The following RAD21 variants were observed in gnomAD, a reference collection of about 807,000 sequenced individuals.
RAD21 encodes the protein double-strand-break repair protein rad21 homolog.
RAD21 carries 18 observed loss-of-function variants against 71.5 expected under a neutral mutation model. That is an observed-to-expected ratio of 0.25 (90% CI 0.17 to 0.37). The LOEUF (loss-of-function observed/expected upper bound fraction) is 0.37. Ranked by LOEUF, RAD21 falls within the 10% of genes least tolerant of loss-of-function variation. The pLI is 1.00. For synonymous variants in RAD21, 248 were observed against 254.0 expected (o/e 0.98, Z 0.22); for missense variants, 493 against 769.1 (o/e 0.64, Z 4.25).
Position 116,856,276 on chromosome 8 carries a change from T to C in RAD21, c.827A>G (p.Asp276Gly), listed in dbSNP as rs373856995. 5 of 1,478,946 alleles carry C rather than the reference T, an allele frequency of 3.4e-6. No individual in the cohort carries two copies. In the East Asian group the frequency reaches 1.0e-4, roughly 30 times the overall value. 91.6% of individuals were successfully genotyped at this position (1,478,946 alleles called of 1,614,324 possible). ...AACGGGATCCACTGAATCAGGACTA[T>C]CAGGCCCACCCACTGTAAAAAAAAA... Reference protein sequence around the residue: ...EDDNVSMGGPDSPDSVDPVEP... With the variant: ...EDDNVSMGGPGSPDSVDPVEP... The change falls in exon 8 of 14, where the codon GAT (aspartate) becomes GGT (glycine). Residue 276 changes from aspartate (D) to glycine (G), a missense_variant. This residue lies in a region of RAD21 where 165 missense variants were observed against 229.6 expected (regional missense o/e 0.72). Coordinates refer to ENST00000297338, the MANE Select transcript of RAD21 (RefSeq NM_006265.3).
At position 116,857,334 on chromosome 8, in the gene RAD21, G is replaced by A; in HGVS notation, c.621C>T (p.Asn207=). The A allele has an allele frequency of 1.2e-6, 2 of 1,611,824 alleles. No homozygotes were observed. Among genetic ancestry groups the A allele is most frequent in the Non-Finnish European group, 1.7e-6 (2 of 1,179,238 alleles). ...TATATTGATCTTCATATTCTAAATG[G>A]TTAATTTTCTCATTCAGATTGCTGG... ...QSTSNLNEKI[N]HLEYEDQYKD... Residue 207 remains asparagine (N), a synonymous_variant, in exon 6 of 14, where the codon AAC becomes AAT. Coordinates refer to ENST00000297338, the MANE Select transcript of RAD21 (RefSeq NM_006265.3).
intron 2 of RAD21, among the ~76,000 whole-genome samples, chr8:116,866,254 GTTT>G (rs56026154): frequency 1.4e-5 from 2 of 142,770 alleles, no homozygotes; most frequent in Non-Finnish European, 3.1e-5. Flanking sequence ...TTCCACGTCG[GTTT>G]TTTTTTTTTT....
intron 9 of RAD21, among the ~76,000 whole-genome samples, chr8:116,853,285 G>A (rs1812394584): frequency 6.6e-6 from 1 of 152,096 alleles, no homozygotes; most frequent in South Asian, 2.1e-4. Flanking sequence ...TACCATGTTA[G>A]CCAAGCTGGT....
At chr8:116,851,404 C>G (rs1044589023) in intron 11 of RAD21, 50 of 152,162 alleles carry the variant, frequency 3.3e-4, no homozygotes, top group African/African-American at 1.1e-3. Flanking sequence ...GAACAAGAAG[C>G]CTAAGGTTAT....
chr8:116,869,502 T>C (rs529485088), intron 1 of RAD21, among the ~76,000 whole-genome samples: 1 of 152,260 alleles, frequency 6.6e-6, no homozygotes, highest in Admixed American at 6.5e-5. Flanking sequence ...GGAGGATTGC[T>C]TGAACCCAGG....
chr8:116,871,564 G>C (rs1013862344), intron 1 of RAD21, among the ~76,000 whole-genome samples: 1 of 152,130 alleles, frequency 6.6e-6, no homozygotes, highest in African/African-American at 2.4e-5. Context: ...GTGTAAATTG[G>C]TACTGTCCTC....
intron 1 of RAD21, chr8:116,874,169 G>T (rs919136442): frequency 1.3e-5 from 2 of 151,810 alleles, no homozygotes; most frequent in South Asian, 4.1e-4. Context: ...GCGGGCGCCG[G>T]GCCCGCCACC....
intron 9 of RAD21, among the ~76,000 whole-genome samples, chr8:116,853,746 G>A (rs1272639551): frequency 6.6e-6 from 1 of 152,096 alleles, no homozygotes. Context: ...TAGCCTAACA[G>A]CACTGCTTCA....
At chr8:116,871,408 A>G (rs1338497453) in intron 1 of RAD21, among the ~76,000 whole-genome samples, 1 of 152,226 alleles carries the variant, frequency 6.6e-6, no homozygotes, top group Non-Finnish European at 1.5e-5. Context: ...AACAGCAGAA[A>G]GATTGCTATT....
In RAD21 at chr8:116,870,843, A is replaced by C. The variant is rs16889115; in HGVS notation, c.-33+3768T>G. Among the ~76,000 whole-genome samples the C allele has an allele frequency of 2.7e-3, 411 of 152,356 alleles. 4 individuals are homozygous for C. The highest frequency in any genetic ancestry group is 0.015 in the South Asian group (72 of 4,830). ...AAGTGATCTCATAATTGGCATATGT[A>C]AAAAATTTTAGACGTTTTAAAAATT... is the stretch of plus-strand genomic sequence containing the variant. On this transcript the variant is annotated intron_variant, in intron 1 of 13. Coordinates refer to ENST00000297338, the MANE Select transcript of RAD21 (RefSeq NM_006265.3).
intron 1 of RAD21, among the ~76,000 whole-genome samples, chr8:116,870,799 T>C (rs1812805758): frequency 6.6e-6 from 1 of 151,490 alleles, no homozygotes; most frequent in African/African-American, 2.5e-5. Flanking sequence ...GCTTAATGAA[T>C]AAGTAAGTAA....
At chr8:116,851,118 A>G (rs1248346087) in intron 11 of RAD21, 1 of 157,170 alleles carries the variant, frequency 6.4e-6, no homozygotes, top group Non-Finnish European at 1.4e-5. Flanking sequence ...TGAATGTCTC[A>G]CGGCAGCAAA....
chr8:116,851,692 G>C (rs1459906927), intron 11 of RAD21: 2 of 318,030 alleles, frequency 6.3e-6, no homozygotes, highest in Non-Finnish European at 1.1e-5. Context: ...ACCAACTTCA[G>C]AGTCAAGGAT....
intron 4 of RAD21, 137 bp from the exon 5 acceptor site, chr8:116,858,595 T>C (rs1241607294): frequency 1.7e-6 from 1 of 580,604 alleles, no homozygotes; most frequent in East Asian, 2.8e-5. Context: ...TATTTAATAC[T>C]TTCACACATT....
chr8:116,873,633 G>T (rs1197689433), intron 1 of RAD21, among the ~76,000 whole-genome samples: 1 of 138,854 alleles, frequency 7.2e-6, no homozygotes, highest in East Asian at 2.0e-4. Flanking sequence ...TCGCACAAAC[G>T]CTGTTTTTTT....
At chr8:116,855,070 G>T (rs1812433907) in intron 8 of RAD21, among the ~76,000 whole-genome samples, 1 of 151,776 alleles carries the variant, frequency 6.6e-6, no homozygotes, top group South Asian at 2.1e-4. Flanking sequence ...AAGCGCATGG[G>T]GTTAAATAAA....
intron 13 of RAD21, among the ~76,000 whole-genome samples, chr8:116,848,195 A>G (rs939980581): frequency 1.3e-5 from 2 of 152,238 alleles, no homozygotes; most frequent in Non-Finnish European, 2.9e-5. Context: ...TGGAAAAAAC[A>G]AACTATATAT....
In RAD21 at chr8:116,866,771, G is replaced by GA. The variant is rs16889044; in HGVS notation, c.-32-11dup. On this transcript the variant is annotated splice_polypyrimidine_tract_variant and intron_variant, in intron 1 of 13. Coordinates refer to ENST00000297338, the MANE Select transcript of RAD21 (RefSeq NM_006265.3). ...GAAAACAGAAGAAAACCTAAGAGGG[G>GA]AAAAAAAAGTTAATGTAAACATCAT... 2.7e-4 allele frequency: 398 copies of GA among 1,499,060 alleles called. 1 individual carries two copies. In the African/African-American group the frequency reaches 5.0e-3, roughly 19 times the overall value. The allele number at this position is 1,499,060 out of a possible 1,614,324, so 92.9% of individuals were successfully genotyped here. A position where few individuals can be genotyped will look rare whatever the true frequency, so the allele number is the denominator to read the frequency against.
chr8:116,858,211 A>G, intron 5 of RAD21, 141 bp downstream of exon 5: 1 of 645,770 alleles, frequency 1.5e-6, no homozygotes, highest in Non-Finnish European at 2.6e-6. Flanking sequence ...TACTGGTAGA[A>G]AGCCAAATTC....
Sources: gnomAD v4.1 joint callset for allele counts (sites outside exome capture counted in the v4.1 genomes callset) on GRCh38, gnomAD v4.1.1 for gene constraint, gnomAD v4.1.1 regional missense constraint, MANE v1.5 for transcripts, NCBI Gene and HGNC (gene_info 2026-07-23, HGNC 2026-07-21) for gene names.